Variants in SMOC1 observed in about 807,000 individuals in gnomAD.
SMOC1 encodes the protein SPARC related modular calcium binding 1.
SMOC1 carries 22 observed loss-of-function variants against 56.3 expected under a neutral mutation model. That is an observed-to-expected ratio of 0.39 (90% CI 0.28 to 0.56). SMOC1 has a LOEUF of 0.56. Ranked by LOEUF, SMOC1 falls within the 20% of genes least tolerant of loss-of-function variation. The pLI is 0.61. For synonymous variants in SMOC1, 193 were observed against 215.0 expected, an observed-to-expected ratio of 0.90 and a Z score of 0.89; for missense variants, 509 against 565.4, an observed-to-expected ratio of 0.90 and a Z score of 1.01.
chr14:69,894,643 G>C (rs1449932758), intron 1 of SMOC1, among the ~76,000 whole-genome samples: 1 of 152,184 alleles, frequency 6.6e-6, no homozygotes, highest in East Asian at 1.9e-4. Context: ...GTGGAATGGT[G>C]GGGTGGGCTG....
chr14:69,896,337 A>G (rs1411206074), intron 1 of SMOC1, among the ~76,000 whole-genome samples: 1 of 152,218 alleles, frequency 6.6e-6, no homozygotes, highest in Non-Finnish European at 1.5e-5. Flanking sequence ...CTTTCTCAGA[A>G]AAGCCACTTT....
At chr14:70,027,418 T>C (rs571349643) in intron 11 of SMOC1, among the ~76,000 whole-genome samples, 2 of 150,280 alleles carry the variant, frequency 1.3e-5, no homozygotes, top group East Asian at 3.9e-4. Context: ...CAGACCAGCC[T>C]GGGGGCAGCG....
At chr14:70,022,333 G>A (rs557013493) in intron 10 of SMOC1, among the ~76,000 whole-genome samples, 34 of 152,352 alleles carry the variant, frequency 2.2e-4, no homozygotes, top group African/African-American at 7.7e-4. Flanking sequence ...CGTAGATGTT[G>A]GCCTTGTAAC....
chr14:70,011,867 G>A (rs563290546), intron 9 of SMOC1, among the ~76,000 whole-genome samples: 1 of 152,210 alleles, frequency 6.6e-6, no homozygotes, highest in Non-Finnish European at 1.5e-5. Context: ...TGAGCACTGT[G>A]AGTTATTTTT....
At chr14:69,953,382 C>G in intron 2 of SMOC1, 38 bp from the exon 3 acceptor site, 1 of 1,597,788 alleles carries the variant, frequency 6.3e-7, no homozygotes, top group Non-Finnish European at 8.6e-7. Flanking sequence ...AGTGTCGAAT[C>G]CAAGTGAAAT....
chr14:70,017,691 AAC>A (rs1885567974), intron 10 of SMOC1, among the ~76,000 whole-genome samples: 1 of 152,174 alleles, frequency 6.6e-6, no homozygotes, highest in Non-Finnish European at 1.5e-5. Context: ...CTCACGTTTC[AAC>A]CCGCCCCTGG....
intron 3 of SMOC1, among the ~76,000 whole-genome samples, chr14:69,963,192 TG>T (rs375456463): frequency 2.5e-4 from 38 of 152,166 alleles, no homozygotes; most frequent in African/African-American, 8.9e-4. Flanking sequence ...CACCCATGTA[TG>T]GGGTTAATGC....
intron 7 of SMOC1, among the ~76,000 whole-genome samples, chr14:70,005,204 A>G (rs1032712808): frequency 6.6e-5 from 10 of 152,246 alleles, no homozygotes; most frequent in African/African-American, 2.4e-4. Context: ...AAGATGATGA[A>G]GAAGAAAAGG....
intron 1 of SMOC1, among the ~76,000 whole-genome samples, chr14:69,937,766 A>G (rs1299573438): frequency 2.6e-5 from 4 of 152,170 alleles, no homozygotes; most frequent in Non-Finnish European, 5.9e-5. Flanking sequence ...GTATGCACAC[A>G]TGCATGCTCA....
chr14:69,918,236 ATT>A (rs199553975), intron 1 of SMOC1, among the ~76,000 whole-genome samples: 3 of 149,164 alleles, frequency 2.0e-5, no homozygotes, highest in Non-Finnish European at 1.5e-5. Flanking sequence ...ATATATATAT[ATT>A]TTTTTTTTGA....
At chr14:69,927,403 G>A (rs1287559544) in intron 1 of SMOC1, among the ~76,000 whole-genome samples, 3 of 152,152 alleles carry the variant, frequency 2.0e-5, no homozygotes, top group Non-Finnish European at 4.4e-5. Flanking sequence ...AGGAGGAGCC[G>A]GGCGTGGTGG....
At chr14:69,904,121 G>A (rs530169081) in intron 1 of SMOC1, among the ~76,000 whole-genome samples, 2 of 152,298 alleles carry the variant, frequency 1.3e-5, no homozygotes, top group East Asian at 3.9e-4. Context: ...GTTATTTTAA[G>A]CCACAAGGTC....
chr14:69,908,651 T>C (rs1453623705), intron 1 of SMOC1, among the ~76,000 whole-genome samples: 1 of 152,170 alleles, frequency 6.6e-6, no homozygotes, highest in African/African-American at 2.4e-5. Flanking sequence ...CATCTGGCCT[T>C]TTGACAGTGC....
At chr14:69,953,914 T>G (rs1883096210) in intron 3 of SMOC1, among the ~76,000 whole-genome samples, 1 of 152,142 alleles carries the variant, frequency 6.6e-6, no homozygotes, top group Non-Finnish European at 1.5e-5. Flanking sequence ...TTCCCTGTTT[T>G]TTGCTACCCC....
At chr14:69,978,541 G>A (rs953541545) in intron 5 of SMOC1, among the ~76,000 whole-genome samples, 10 of 152,254 alleles carry the variant, frequency 6.6e-5, no homozygotes, top group African/African-American at 9.6e-5. Context: ...GGAGAGACAC[G>A]TCATATGAGT....
At chr14:69,897,144 C>T (rs141756261) in intron 1 of SMOC1, among the ~76,000 whole-genome samples, 1 of 152,142 alleles carries the variant, frequency 6.6e-6, no homozygotes, top group East Asian at 1.9e-4. Context: ...TCTGGCCCCC[C>T]CTCCTCTCAA....
At chr14:69,993,914 C>T (rs227415) in intron 6 of SMOC1, among the ~76,000 whole-genome samples, 30,152 of 152,092 alleles carry the variant, frequency 0.2, 3,981 homozygotes, top group African/African-American at 0.37. Context: ...TCAGCCTCTG[C>T]GCATGAGAAG....
chr14:69,919,910 A>ACCG (rs1491311565), intron 1 of SMOC1, among the ~76,000 whole-genome samples: 12 of 116,392 alleles, frequency 1.0e-4, no homozygotes, highest in African/African-American at 3.2e-4. Flanking sequence ...GAACACAAAT[A>ACCG]CCCCCCCCCC....
intron 6 of SMOC1, among the ~76,000 whole-genome samples, chr14:69,993,838 C>T (rs181696916): frequency 0.011 from 1,640 of 152,262 alleles, 37 homozygotes; most frequent in African/African-American, 0.038. Context: ...GGATTCCCAT[C>T]TGTCCACTGG....
Sources: allele counts gnomAD v4.1 joint callset (sites outside exome capture counted in the v4.1 genomes callset), GRCh38; gene constraint gnomAD v4.1.1; transcripts MANE v1.5; gene names NCBI Gene and HGNC (gene_info 2026-07-23, HGNC 2026-07-21).